SSH2: variants seen among roughly 807,000 people sequenced by gnomAD.
SSH2 encodes slingshot protein phosphatase 2, also known as protein phosphatase Slingshot homolog 2.
A neutral mutation model predicts 135.2 loss-of-function variants in SSH2; 37 were observed. The observed-to-expected ratio is 0.27, with a 90% CI of 0.21 to 0.36. The LOEUF (loss-of-function observed/expected upper bound fraction) is 0.36. SSH2 is among the 10% of genes least tolerant of loss of function. The pLI is 1.00. For synonymous variants in SSH2, 628 were observed against 646.2 expected, an observed-to-expected ratio of 0.97 and a Z score of 0.43; for missense variants, 1,408 against 1,765.3, an observed-to-expected ratio of 0.80 and a Z score of 3.63.
At chr17:29,643,300 T>G (rs2036239662) in intron 14 of SSH2, 1 of 985,042 alleles carries the variant, frequency 1.0e-6, no homozygotes, top group African/African-American at 1.7e-5. Context: ...CAGCTATATA[T>G]CCAACAGCCA....
At chr17:29,761,201 A>T (rs761167235) in intron 3 of SSH2, 21 of 1,289,576 alleles carry the variant, frequency 1.6e-5, no homozygotes, top group Non-Finnish European at 2.1e-5. Context: ...GAAGTAAGGA[A>T]TCATGTCGGG....
intron 1 of SSH2, among the ~76,000 whole-genome samples, chr17:29,868,161 G>A (rs1204827860): frequency 6.6e-6 from 1 of 152,148 alleles, no homozygotes; most frequent in Non-Finnish European, 1.5e-5. Context: ...AACTCTCTGA[G>A]AAGAATATCA....
At chr17:29,904,280 G>A (rs921545208) in intron 1 of SSH2, among the ~76,000 whole-genome samples, 12 of 152,128 alleles carry the variant, frequency 7.9e-5, no homozygotes, top group African/African-American at 2.9e-4. Flanking sequence ...GAATCCAGCA[G>A]CACATCAAAA....
chr17:29,774,514 C>T (rs946042781), intron 3 of SSH2, among the ~76,000 whole-genome samples: 1 of 152,242 alleles, frequency 6.6e-6, no homozygotes, highest in Non-Finnish European at 1.5e-5. Context: ...ATCCACCCGC[C>T]TTGGCCTCCC....
At chr17:29,788,685 T>A (rs964025985) in intron 3 of SSH2, among the ~76,000 whole-genome samples, 1 of 151,336 alleles carries the variant, frequency 6.6e-6, no homozygotes, top group South Asian at 2.1e-4. Flanking sequence ...TCTATCTCTA[T>A]GAGATACCCT....
chr17:29,825,100 C>T (rs2042721864), intron 2 of SSH2, among the ~76,000 whole-genome samples: 1 of 152,272 alleles, frequency 6.6e-6, no homozygotes, highest in Middle Eastern at 3.4e-3. Flanking sequence ...CTTACACTTC[C>T]CAGTTACATG....
chr17:29,889,833 C>T (rs2066315473), intron 1 of SSH2, among the ~76,000 whole-genome samples: 1 of 145,512 alleles, frequency 6.9e-6, no homozygotes, highest in Non-Finnish European at 1.5e-5. Flanking sequence ...AAAAAACCAG[C>T]CAGGTATGAG....
chr17:29,898,625 G>A (rs1232870825), intron 1 of SSH2, among the ~76,000 whole-genome samples: 2 of 152,088 alleles, frequency 1.3e-5, no homozygotes, highest in African/African-American at 2.4e-5. Context: ...CTCTGAAATT[G>A]AGGCAATAAT....
At chr17:29,815,411 C>T (rs1367890301) in intron 2 of SSH2, among the ~76,000 whole-genome samples, 3 of 152,100 alleles carry the variant, frequency 2.0e-5, no homozygotes, top group Non-Finnish European at 4.4e-5. Flanking sequence ...TGTTAGCCAC[C>T]GTGCCTGGCC....
intron 4 of SSH2, among the ~76,000 whole-genome samples, chr17:29,696,750 G>A (rs1445013936): frequency 6.7e-6 from 1 of 149,956 alleles, no homozygotes; most frequent in Non-Finnish European, 1.5e-5. Flanking sequence ...GCAGTGGTGC[G>A]ATCTCTGCTC....
At chr17:29,915,357 C>T (rs1567651517) in intron 1 of SSH2, among the ~76,000 whole-genome samples, 1 of 152,176 alleles carries the variant, frequency 6.6e-6, no homozygotes, top group Non-Finnish European at 1.5e-5. Flanking sequence ...CTCGTAATAG[C>T]TGGATTAGAC....
intron 2 of SSH2, among the ~76,000 whole-genome samples, chr17:29,841,139 G>T (rs915808220): frequency 2.1e-4 from 32 of 152,260 alleles, no homozygotes; most frequent in South Asian, 4.1e-4. Flanking sequence ...ATTGGCAAAG[G>T]GGGAAATAGT....
intron 1 of SSH2, among the ~76,000 whole-genome samples, chr17:29,877,432 T>C (rs1196893220): frequency 6.6e-6 from 1 of 152,168 alleles, no homozygotes; most frequent in Non-Finnish European, 1.5e-5. Context: ...CCTATGTTAG[T>C]TGTGGCACTG....
rs1302797181 is a variant in SSH2 at position 29,720,276 on chromosome 17, T to A, written c.189-17214A>T. Among the ~76,000 whole-genome samples, 5 of 152,234 alleles carry A rather than the reference T, an allele frequency of 3.3e-5. No homozygotes were observed. In the South Asian group the frequency reaches 1.0e-3, roughly 32 times the overall value. On this transcript the variant is annotated intron_variant, in intron 3 of 15. Transcript: ENST00000540801. ...TTAAAAAATTGAGTCAGTTCAGTGC[T>A]ACTTTATTTCAACCTTACCAGTAAC...
At chr17:29,736,030 G>C (rs2040351775) in intron 3 of SSH2, among the ~76,000 whole-genome samples, 1 of 152,002 alleles carries the variant, frequency 6.6e-6, no homozygotes, top group South Asian at 2.1e-4. Flanking sequence ...CCAGGAGGCG[G>C]AGGTTGCAGT....
intron 1 of SSH2, among the ~76,000 whole-genome samples, chr17:29,923,912 C>A (rs1358679266): frequency 6.6e-6 from 1 of 151,976 alleles, no homozygotes; most frequent in Non-Finnish European, 1.5e-5. Context: ...TCTCAAAAAA[C>A]CAAACCAAAA....
In SSH2 at chr17:29,635,693, C is replaced by A. The variant is rs369184906; in HGVS notation, c.2262+275G>T. 5.1e-4 allele frequency among the ~76,000 whole-genome samples: 77 copies of A among 152,324 alleles called. No homozygotes were observed. In the East Asian group the frequency reaches 5.6e-3, roughly 11 times the overall value. Reference sequence around the variant, plus strand: ...AAAGTGCTGGGATTACAGGTGTGAGCCACCGCGCCTGGTCATCTTTGGACT... The same window carrying A: ...AAAGTGCTGGGATTACAGGTGTGAGACACCGCGCCTGGTCATCTTTGGACT... On this transcript the variant is annotated intron_variant, in intron 15 of 15. Transcript: ENST00000540801.
Position 29,632,407 on chromosome 17 carries a change from A to C in SSH2, c.2787T>G (p.Asp929Glu), listed in dbSNP as rs764800523. ...SLSTRKNSKN[D>E]SSVADLAPKG... ...TTGGTGCTAGGTCTGCCACAGAAGA[A>C]TCATTCTTTGAATTCTTACGAGTGG... Residue 929 changes from aspartate to glutamate, a missense_variant, in exon 16 of 16, where the codon GAT becomes GAG. Physicochemically the swap from Asp to Glu is conservative, Grantham distance 45 (BLOSUM62 2). Transcript: ENST00000540801. 1 of 1,614,052 alleles carries C rather than the reference A, an allele frequency of 6.2e-7. No individual in the cohort carries two copies. Among genetic ancestry groups the C allele is most frequent in the Non-Finnish European group, 8.5e-7 (1 of 1,180,004 alleles).
chr17:29,695,579 A>G, intron 4 of SSH2, 56 bp from the exon 5 acceptor site: 1 of 1,484,912 alleles, frequency 6.7e-7, no homozygotes, highest in Non-Finnish European at 9.3e-7. Context: ...GTTGACAGAG[A>G]GGATTCCTTC....
Sources: allele counts gnomAD v4.1 joint callset (sites outside exome capture counted in the v4.1 genomes callset), GRCh38; gene constraint gnomAD v4.1.1; transcripts MANE v1.5; gene names NCBI Gene and HGNC (gene_info 2026-07-23, HGNC 2026-07-21).